PITPNC1: variants seen among roughly 807,000 people sequenced by gnomAD.
PITPNC1 encodes the protein cytoplasmic phosphatidylinositol transfer protein 1.
In PITPNC1, 18 loss-of-function variants were observed where a neutral mutation model predicts 44.7. The ratio of observed to expected loss-of-function variants is 0.40; its 90% CI spans 0.28 to 0.60. The LOEUF (loss-of-function observed/expected upper bound fraction) is 0.60, where lower values mean the gene tolerates loss of function less well. Among genes scored for constraint, PITPNC1 ranks in the 20% least tolerant of loss-of-function variants. The probability of loss-of-function intolerance (pLI) is 0.39; values close to 1 mark genes in which losing one functional copy is unlikely to be tolerated. For synonymous variants in PITPNC1, 141 were observed against 149.6 expected, an observed-to-expected ratio of 0.94 and a Z score of 0.42; for missense variants, 290 against 418.4, an observed-to-expected ratio of 0.69 and a Z score of 2.68.
intron 6 of PITPNC1, among the ~76,000 whole-genome samples, chr17:67,653,640 A>G (rs545034022): frequency 3.9e-5 from 6 of 152,356 alleles, no homozygotes; most frequent in African/African-American, 4.8e-5. Context: ...TGAAAAACAC[A>G]TATCACATGT....
Position 67,594,154 on chromosome 17 carries a change from A to T in PITPNC1, c.366+15897A>T, listed in dbSNP as rs74705310. On this transcript the variant is annotated intron_variant, in intron 5 of 8. Coordinates refer to ENST00000581322, the MANE Select transcript of PITPNC1 (RefSeq NM_012417.4). ...CCTTCGACCAAATAGGGTCCAAAGC[A>T]GGGCTCTGCAGCCAAGTGATAACGG... 1.7e-3 allele frequency among the ~76,000 whole-genome samples: 265 copies of T among 152,364 alleles called. 2 individuals carry two copies. Among genetic ancestry groups the T allele is most frequent in the African/African-American group, 6.1e-3 (255 of 41,592 alleles).
intron 1 of PITPNC1, among the ~76,000 whole-genome samples, chr17:67,467,316 T>A (rs2039442992): frequency 6.6e-6 from 1 of 152,034 alleles, no homozygotes; most frequent in South Asian, 2.1e-4. Flanking sequence ...AGCCTCCCAA[T>A]GTGTTGGGAT....
At chr17:67,673,360 T>G (rs1598969273) in intron 7 of PITPNC1, among the ~76,000 whole-genome samples, 1 of 152,216 alleles carries the variant, frequency 6.6e-6, no homozygotes, top group East Asian at 1.9e-4. Context: ...TGGAAAAGAA[T>G]ACCATGAAAT....
chr17:67,631,664 A>G (rs2041972912), intron 5 of PITPNC1, among the ~76,000 whole-genome samples: 1 of 74,782 alleles, frequency 1.3e-5, no homozygotes, highest in Non-Finnish European at 3.1e-5. Context: ...AAAAATATAT[A>G]TATATATAAA....
rs150447270 is a variant in PITPNC1 at position 67,391,274 on chromosome 17, C to T, written c.48+13072C>T. Among the ~76,000 whole-genome samples, 201 of 152,034 alleles carry T rather than the reference C, an allele frequency of 1.3e-3. 1 individual carries two copies. Among genetic ancestry groups the T allele is most frequent in the African/African-American group, 4.6e-3 (190 of 41,480 alleles). On this transcript the variant is annotated intron_variant, in intron 1 of 8. Coordinates refer to ENST00000581322, the MANE Select transcript of PITPNC1 (RefSeq NM_012417.4). ...GGCCAACAAATGTAATTTGATGATA[C>T]CCTATAATAATGTTGTTTAAGTACC...
chr17:67,494,148 CAA>C (rs1568012750), intron 1 of PITPNC1, among the ~76,000 whole-genome samples: 1 of 91,008 alleles, frequency 1.1e-5, no homozygotes, highest in Non-Finnish European at 2.4e-5. Context: ...TTTCCACTAA[CAA>C]TATGTGTAAC....
At chr17:67,483,908 C>T (rs932027645) in intron 1 of PITPNC1, among the ~76,000 whole-genome samples, 3 of 141,560 alleles carry the variant, frequency 2.1e-5, no homozygotes, top group African/African-American at 5.2e-5. Flanking sequence ...CCCTTGCTAA[C>T]GTTTTCTTTC....
At chr17:67,603,942 T>TAAA (rs552519264) in intron 5 of PITPNC1, among the ~76,000 whole-genome samples, 2 of 135,330 alleles carry the variant, frequency 1.5e-5, no homozygotes. Flanking sequence ...CTCATAGATT[T>TAAA]AAAAAAAAAA....
rs1363105427 is a variant in PITPNC1, at chr17:67,688,547, T to C, written c.683-4025T>C. On this transcript the variant is annotated intron_variant, in intron 8 of 8. Coordinates refer to ENST00000581322, the MANE Select transcript of PITPNC1 (RefSeq NM_012417.4). ...CCCTTGAGGTTGCAAGGGCCCTAACTCTTCTCCCATTTTGCATGCAGTGAT... is the reference window on the plus strand; with the variant it reads ...CCCTTGAGGTTGCAAGGGCCCTAACCCTTCTCCCATTTTGCATGCAGTGAT... Among the ~76,000 whole-genome samples, 3 of 152,144 alleles carry C rather than the reference T, an allele frequency of 2.0e-5. No homozygotes were observed. In the East Asian group the frequency reaches 5.8e-4, roughly 29 times the overall value.
chr17:67,618,982 C>G (rs571382245), intron 5 of PITPNC1, among the ~76,000 whole-genome samples: 36 of 152,160 alleles, frequency 2.4e-4, no homozygotes, highest in South Asian at 8.3e-4. Flanking sequence ...TGGCGTGAAC[C>G]CGGGAGGTGG....
At chr17:67,487,174 T>C (rs1000702621) in intron 1 of PITPNC1, among the ~76,000 whole-genome samples, 2 of 152,132 alleles carry the variant, frequency 1.3e-5, no homozygotes, top group East Asian at 3.8e-4. Context: ...ACCACTTCCC[T>C]TTTTTGTTTT....
intron 1 of PITPNC1, among the ~76,000 whole-genome samples, chr17:67,495,380 TA>T (rs1568013799): frequency 1.3e-5 from 2 of 152,232 alleles, no homozygotes; most frequent in East Asian, 1.9e-4. Flanking sequence ...AGATCTTTTT[TA>T]AAAAAACTTT....
intron 1 of PITPNC1, among the ~76,000 whole-genome samples, chr17:67,493,812 A>G (rs2039894117): frequency 6.6e-6 from 1 of 152,236 alleles, no homozygotes; most frequent in Admixed American, 6.5e-5. Flanking sequence ...ATACAAAAGC[A>G]ATTTGTCTTC....
Position 67,443,556 on chromosome 17 carries a change from A to G in PITPNC1, c.48+65354A>G, listed in dbSNP as rs1051744722. Among the ~76,000 whole-genome samples the G allele has an allele frequency of 9.2e-5, 14 of 152,034 alleles. No homozygotes were observed. The East Asian group carries it at 2.1e-3, about 23-fold the overall frequency. On this transcript the variant is annotated intron_variant, in intron 1 of 8. Transcript: ENST00000581322. The stretch of plus-strand genomic sequence containing the variant: ...AAATGAATACAATTTGACACAGTGA[A>G]AAAGGCAGGAACAGCAACCATAAAA...
At position 67,378,210 on chromosome 17, in the gene PITPNC1, C is replaced by T; in HGVS notation, c.48+8C>T. 6.6e-7 allele frequency: 1 copy of T among 1,522,266 alleles called. No individual in the cohort carries two copies. The highest frequency in any genetic ancestry group is 1.4e-5 in the African/African-American group (1 of 69,754). The allele number at this position is 1,522,266 out of a possible 1,614,324, so 94.3% of individuals were successfully genotyped here. A position where few individuals can be genotyped will look rare whatever the true frequency, so the allele number is the denominator to read the frequency against. Reference sequence around the variant, plus strand: ...CCGCTCACCGTAGACGAGGTAAGCGCCGCGCCCGGCCCGGCCTCGCCCGCT... The same window carrying T: ...CCGCTCACCGTAGACGAGGTAAGCGTCGCGCCCGGCCCGGCCTCGCCCGCT... On this transcript the variant is annotated splice_region_variant and intron_variant, in intron 1 of 8. Transcript: ENST00000581322.
chr17:67,486,391 A>G (rs1191378112), intron 1 of PITPNC1, among the ~76,000 whole-genome samples: 4 of 152,188 alleles, frequency 2.6e-5, no homozygotes, highest in Non-Finnish European at 5.9e-5. Context: ...TGAGTAATGT[A>G]GAAAAATAGA....
At chr17:67,440,960 G>C (rs1209430424) in intron 1 of PITPNC1, among the ~76,000 whole-genome samples, 1 of 152,092 alleles carries the variant, frequency 6.6e-6, no homozygotes, top group African/African-American at 2.4e-5. Flanking sequence ...AATTCATAAT[G>C]ATTCACAGAG....
intron 1 of PITPNC1, among the ~76,000 whole-genome samples, chr17:67,416,214 T>TTTTTTG (rs2038587145): frequency 7.2e-6 from 1 of 139,012 alleles, no homozygotes; most frequent in Non-Finnish European, 1.6e-5. Context: ...TTTTTTTTTT[T>TTTTTTG]TTTTTTTTTT....
Position 67,472,332 on chromosome 17 carries a change from TAAAAAAAAAAAAA to T in PITPNC1, c.49-60450_49-60438del, listed in dbSNP as rs751090662. On this transcript the variant is annotated intron_variant, in intron 1 of 8. Coordinates refer to ENST00000581322, the MANE Select transcript of PITPNC1 (RefSeq NM_012417.4). The stretch of plus-strand genomic sequence containing the variant: ...ATTAACACTATGACAGCTGTTGAGC[TAAAAAAAAAAAAA>T]AAAAAAAAAAAAAAAAAAAGGACCG... 3.1e-4 allele frequency among the ~76,000 whole-genome samples: 13 copies of T among 41,416 alleles called. No individual in the cohort carries two copies. In the South Asian group the frequency reaches 4.9e-3, roughly 16 times the overall value. 27.2% of individuals were successfully genotyped at this position (41,416 alleles called of 152,430 possible).
Sources: allele counts gnomAD v4.1 joint callset (sites outside exome capture counted in the v4.1 genomes callset), GRCh38; gene constraint gnomAD v4.1.1; transcripts MANE v1.5; gene names NCBI Gene and HGNC (gene_info 2026-07-23, HGNC 2026-07-21).